DENND5A: variants seen among roughly 807,000 people sequenced by gnomAD.
DENND5A encodes the protein DENN domain-containing protein 5A.
DENND5A carries 64 observed loss-of-function variants against 140.3 expected under a neutral mutation model. The observed-to-expected ratio is 0.46, with a 90% CI of 0.37 to 0.56. The LOEUF (loss-of-function observed/expected upper bound fraction) is 0.56, where lower values mean the gene tolerates loss of function less well. Ranked by LOEUF, DENND5A falls within the 20% of genes least tolerant of loss-of-function variation. The pLI is 0.00. For synonymous variants in DENND5A, 605 were observed against 607.7 expected (o/e 1.00, Z 0.07); for missense variants, 1,292 against 1,593.8 (o/e 0.81, Z 3.22).
chr11:9,174,996 A>G (rs1354025975), intron 8 of DENND5A, among the ~76,000 whole-genome samples: 1 of 152,138 alleles, frequency 6.6e-6, no homozygotes, highest in Non-Finnish European at 1.5e-5. Flanking sequence ...AAGAAAAGGA[A>G]AAGAAATAAA....
chr11:9,244,666 G>A lies in DENND5A; in HGVS notation c.109+20295C>T, dbSNP rs1425578682. Among the ~76,000 whole-genome samples, 8 of 152,112 alleles carry A rather than the reference G, an allele frequency of 5.3e-5. No individual in the cohort carries two copies. In the East Asian group the frequency reaches 1.2e-3, roughly 22 times the overall value. ...TTACAGGCATTAGCCACCACGCTCAGCCTATTTTATTTATTTATTTATTTT... is the reference window on the plus strand; with the variant it reads ...TTACAGGCATTAGCCACCACGCTCAACCTATTTTATTTATTTATTTATTTT... On this transcript the variant is annotated intron_variant, in intron 1 of 22. Coordinates refer to ENST00000328194, the MANE Select transcript of DENND5A (RefSeq NM_015213.4).
intron 4 of DENND5A, among the ~76,000 whole-genome samples, chr11:9,201,163 T>A (rs1849507567): frequency 6.6e-6 from 1 of 152,056 alleles, no homozygotes; most frequent in Middle Eastern, 3.2e-3. Flanking sequence ...AAAACCACTA[T>A]TCTGCCAGCC....
chr11:9,144,861 C>A, intron 18 of DENND5A, 134 bp downstream of exon 18: 1 of 685,536 alleles, frequency 1.5e-6, no homozygotes, highest in Non-Finnish European at 2.6e-6. Context: ...GTGTATGAGG[C>A]AGAGCCAAAC....
intron 1 of DENND5A, among the ~76,000 whole-genome samples, chr11:9,243,855 C>T (rs1048752319): frequency 6.6e-6 from 1 of 152,146 alleles, no homozygotes; most frequent in Admixed American, 6.6e-5. Context: ...CACTGCACTC[C>T]AGCCTGGGCG....
intron 1 of DENND5A, among the ~76,000 whole-genome samples, chr11:9,222,831 A>G (rs1335261099): frequency 1.3e-5 from 2 of 152,360 alleles, no homozygotes; most frequent in South Asian, 2.1e-4. Context: ...CCATGCTGAA[A>G]TTCAACGCTG....
chr11:9,228,836 C>A (rs1850642796), intron 1 of DENND5A, among the ~76,000 whole-genome samples: 1 of 152,202 alleles, frequency 6.6e-6, no homozygotes, highest in Non-Finnish European at 1.5e-5. Context: ...ACACATCTTG[C>A]CGCAAACTTG....
chr11:9,181,180 C>T (rs746639698), intron 5 of DENND5A, 96 bp from the exon 6 acceptor site: 74 of 1,025,568 alleles, frequency 7.2e-5, no homozygotes, highest in Admixed American at 1.1e-4. Context: ...AAAAACAAAA[C>T]ACCTGAAATG....
chr11:9,222,349 T>C (rs1850347594), intron 1 of DENND5A, among the ~76,000 whole-genome samples: 1 of 152,212 alleles, frequency 6.6e-6, no homozygotes, highest in Non-Finnish European at 1.5e-5. Context: ...TAGAAAAATT[T>C]GACCAAAAAA....
At chr11:9,201,647 G>A (rs1321679738) in intron 4 of DENND5A, among the ~76,000 whole-genome samples, 1 of 152,146 alleles carries the variant, frequency 6.6e-6, no homozygotes, top group African/African-American at 2.4e-5. Flanking sequence ...TCCAACCTGG[G>A]CAGCAGAGTG....
At chr11:9,261,050 C>T (rs181053940) in intron 1 of DENND5A, among the ~76,000 whole-genome samples, 1 of 152,068 alleles carries the variant, frequency 6.6e-6, no homozygotes, top group South Asian at 2.1e-4. Flanking sequence ...AGAGTCTTGC[C>T]GTGCTGCCCA....
At chr11:9,210,358 C>T (rs1303197748) in intron 1 of DENND5A, among the ~76,000 whole-genome samples, 5 of 152,186 alleles carry the variant, frequency 3.3e-5, no homozygotes, top group Admixed American at 6.5e-5. Context: ...ATCTAAAGCC[C>T]ATTTCCAAGA....
chr11:9,255,862 C>T (rs1564944966), intron 1 of DENND5A, among the ~76,000 whole-genome samples: 2 of 145,192 alleles, frequency 1.4e-5, no homozygotes, highest in Non-Finnish European at 3.0e-5. Flanking sequence ...GAGACTCCGT[C>T]TAAAAAAAAA....
chr11:9,164,134 G>A (rs1432195092), intron 11 of DENND5A, among the ~76,000 whole-genome samples: 1 of 105,874 alleles, frequency 9.4e-6, no homozygotes, highest in Non-Finnish European at 1.7e-5. Flanking sequence ...GGGCTCAAAT[G>A]ATCCTCCTAC....
intron 1 of DENND5A, among the ~76,000 whole-genome samples, chr11:9,233,135 T>A (rs2136255620): frequency 6.6e-6 from 1 of 152,278 alleles, no homozygotes; most frequent in South Asian, 2.1e-4. Context: ...TCGCAGGGGC[T>A]CACGCCTATA....
At chr11:9,190,588 T>C (rs1010930012) in intron 5 of DENND5A, among the ~76,000 whole-genome samples, 1 of 152,192 alleles carries the variant, frequency 6.6e-6, no homozygotes, top group African/African-American at 2.4e-5. Flanking sequence ...CATGGAACTC[T>C]AAGTCCATTA....
At chr11:9,193,376 T>A (rs1449267939) in intron 5 of DENND5A, 118 bp downstream of exon 5, 7 of 770,582 alleles carry the variant, frequency 9.1e-6, no homozygotes, top group Non-Finnish European at 1.1e-5. Flanking sequence ...AAGTTATTCA[T>A]AATCACCAAA....
At position 9,143,303 on chromosome 11, in the gene DENND5A, A is replaced by G. The variant is rs1443876721; in HGVS notation, c.3387+100T>C. 23 of 1,064,144 alleles carry G rather than the reference A, an allele frequency of 2.2e-5. 1 individual carries two copies. The highest frequency in any genetic ancestry group is 3.2e-5 in the Non-Finnish European group (22 of 689,586). The allele number at this position is 1,064,144 out of a possible 1,614,324, so 65.9% of individuals were successfully genotyped here. On this transcript the variant is annotated intron_variant, in intron 20 of 22. Coordinates refer to ENST00000328194, the MANE Select transcript of DENND5A (RefSeq NM_015213.4). ...CTCTACAAGACTCTAGGGTGTCCAC[A>G]GCACATGGGCCTGGAAGAGCATAAC...
chr11:9,147,486 G>A (rs1404930930), intron 15 of DENND5A, among the ~76,000 whole-genome samples: 3 of 152,194 alleles, frequency 2.0e-5, no homozygotes, highest in African/African-American at 7.2e-5. Flanking sequence ...GTCTTCTCAG[G>A]CTTCTAGCTA....
At chr11:9,140,251 G>A in intron 22 of DENND5A, 1 of 1,277,564 alleles carries the variant, frequency 7.8e-7, no homozygotes, top group Non-Finnish European at 1.0e-6. Flanking sequence ...TGATAACCCT[G>A]TGATATGAGG....
Sources: gnomAD v4.1 joint callset for allele counts (sites outside exome capture counted in the v4.1 genomes callset) on GRCh38, gnomAD v4.1.1 for gene constraint, MANE v1.5 for transcripts, NCBI Gene and HGNC (gene_info 2026-07-23, HGNC 2026-07-21) for gene names.